RAI14: variants seen among roughly 807,000 people sequenced by gnomAD.
RAI14 encodes the protein ankycorbin.
In RAI14, 45 loss-of-function variants were observed where a neutral mutation model predicts 115.4. That is an observed-to-expected ratio of 0.39 (90% CI 0.31 to 0.50). The LOEUF (loss-of-function observed/expected upper bound fraction) is 0.50. Ranked by LOEUF, RAI14 falls within the 20% of genes least tolerant of loss-of-function variation. The probability of loss-of-function intolerance (pLI) is 0.85; values close to 1 mark genes in which losing one functional copy is unlikely to be tolerated. For missense variants in RAI14, 939 were observed against 1,131.2 expected (o/e 0.83, Z 2.44); for synonymous variants, 371 against 415.4 (o/e 0.89, Z 1.30).
At chr5:34,773,673 A>C (rs1224224526) in intron 3 of RAI14, among the ~76,000 whole-genome samples, 1 of 152,200 alleles carries the variant, frequency 6.6e-6, no homozygotes, top group Non-Finnish European at 1.5e-5. Context: ...ATCACTAAGC[A>C]TCAGGGAAAT....
intron 2 of RAI14, among the ~76,000 whole-genome samples, chr5:34,720,254 G>A (rs1742497633): frequency 6.6e-6 from 1 of 152,080 alleles, no homozygotes; most frequent in African/African-American, 2.4e-5. Context: ...TTTTAAAAAT[G>A]TATATGTATC....
chr5:34,776,826 C>CA (rs1053131952), intron 3 of RAI14, among the ~76,000 whole-genome samples: 2 of 121,588 alleles, frequency 1.6e-5, no homozygotes, highest in Non-Finnish European at 3.9e-5. Flanking sequence ...CACCAAAACT[C>CA]ATGTGCCCCA....
rs748811293 is a variant in RAI14 at position 34,826,416 on chromosome 5, A to T, written c.2736A>T (p.Lys912Asn). 1.9e-6 allele frequency: 3 copies of T among 1,613,976 alleles called. No individual in the cohort carries two copies. The highest frequency in any genetic ancestry group is 2.5e-6 in the Non-Finnish European group (3 of 1,179,984). ...SQLSYSTSSSKRQSQQLEALQ... is the reference protein window; with the variant it reads ...SQLSYSTSSSNRQSQQLEALQ... ...TCTCCTACTCAACAAGCTCATCCAA[A>T]AGGCAGAGTCAGCAGCTGGAGGCGC... is the stretch of plus-strand genomic sequence containing the variant. The change falls in exon 16 of 18, where the codon AAA becomes AAT. Residue 912 changes from lysine to asparagine, a missense_variant. By Grantham distance (94) the Lys-to-Asn change is moderately conservative. Coordinates refer to ENST00000265109, the MANE Select transcript of RAI14 (RefSeq NM_015577.3).
chr5:34,774,182 G>A (rs1441347721), intron 3 of RAI14, among the ~76,000 whole-genome samples: 1 of 148,988 alleles, frequency 6.7e-6, no homozygotes, highest in African/African-American at 2.5e-5. Context: ...GTGAAATCCT[G>A]TGTCTACTTA....
intron 3 of RAI14, among the ~76,000 whole-genome samples, chr5:34,759,347 G>C (rs1214796466): frequency 3.9e-5 from 6 of 152,170 alleles, no homozygotes; most frequent in Non-Finnish European, 8.8e-5. Flanking sequence ...CCAACTCCCA[G>C]GTCACAGACC....
At chr5:34,768,617 C>T (rs1338823321) in intron 3 of RAI14, among the ~76,000 whole-genome samples, 1 of 152,134 alleles carries the variant, frequency 6.6e-6, no homozygotes, top group Non-Finnish European at 1.5e-5. Flanking sequence ...ATGGAGATTT[C>T]ATAATGCCCA....
rs769935046 is a variant in RAI14, at chr5:34,824,088, A to T, written c.2246A>T (p.Glu749Val). The T allele has an allele frequency of 8.7e-6, 14 of 1,614,208 alleles. No homozygotes were observed. The highest frequency in any genetic ancestry group is 3.3e-5 in the South Asian group (3 of 91,080). ...CGGACTGCAGCAAAAGAGATGGAAG[A>T]AAAAATAAGCAATCTTAAGGAACAC... is the stretch of plus-strand genomic sequence containing the variant. ...TLRTAAKEME[E>V]KISNLKEHLA... Residue 749 changes from glutamate to valine, a missense_variant, in exon 15 of 18, where the codon GAA becomes GTA. Glu to Val is a moderately radical substitution (Grantham distance 121). Coordinates refer to ENST00000265109, the MANE Select transcript of RAI14 (RefSeq NM_015577.3).
chr5:34,681,860 T>TTTC, intron 1 of RAI14, among the ~76,000 whole-genome samples: 1 of 22,438 alleles, frequency 4.5e-5, no homozygotes. Flanking sequence ...TTCTTTCTTT[T>TTTC]TTTTTTTTTT....
intron 1 of RAI14, among the ~76,000 whole-genome samples, chr5:34,668,502 C>G (rs1054424308): frequency 2.4e-4 from 36 of 152,138 alleles, no homozygotes; most frequent in African/African-American, 7.9e-4. Flanking sequence ...CTTTCTGTCT[C>G]CAAGCACAGG....
intron 2 of RAI14, among the ~76,000 whole-genome samples, chr5:34,723,387 CA>C (rs1379057433): frequency 2.0e-5 from 3 of 152,136 alleles, no homozygotes; most frequent in Non-Finnish European, 4.4e-5. Context: ...TATTTCAAGT[CA>C]AAATGCAGTT....
intron 2 of RAI14, among the ~76,000 whole-genome samples, chr5:34,701,461 A>G (rs545849135): frequency 1.3e-5 from 2 of 152,196 alleles, no homozygotes; most frequent in Non-Finnish European, 2.9e-5. Context: ...CAGCCACTGT[A>G]AGACTTCAAA....
chr5:34,799,493 GACACACACACACAC>G (rs780186006), intron 4 of RAI14, among the ~76,000 whole-genome samples: 9,410 of 124,068 alleles, frequency 0.076, 887 homozygotes, highest in African/African-American at 0.23. Context: ...CACACACACA[GACACACACACACAC>G]ACACACACAC....
At chr5:34,682,213 T>TA (rs959067256) in intron 1 of RAI14, among the ~76,000 whole-genome samples, 78 of 148,828 alleles carry the variant, frequency 5.2e-4, no homozygotes, top group Middle Eastern at 6.8e-3. Context: ...ATTAAGCTTT[T>TA]AAAAAAAAAA....
rs1396697743 is a variant in RAI14, at chr5:34,818,692, A to T, written c.940-105A>T. ...TTCTAGCTGCTTTTCTAGTAGGATC[A>T]TACCAGATCTGCTCTGCGTAAGCTC... On this transcript the variant is annotated intron_variant, in intron 12 of 17. Transcript: ENST00000265109. 6 of 796,260 alleles carry T rather than the reference A, an allele frequency of 7.5e-6. No individual in the cohort carries two copies. The East Asian group carries it at 1.6e-4, about 21-fold the overall frequency. The allele number at this position is 796,260 out of a possible 1,614,324, so 49.3% of individuals were successfully genotyped here.
At chr5:34,667,342 G>A (rs1743293853) in intron 1 of RAI14, 2 of 152,252 alleles carry the variant, frequency 1.3e-5, no homozygotes, top group Admixed American at 1.3e-4. Flanking sequence ...GGCTCAAGCA[G>A]TCCTCCCACC....
intron 2 of RAI14, among the ~76,000 whole-genome samples, chr5:34,707,152 T>C (rs1428340644): frequency 3.3e-5 from 5 of 152,200 alleles, no homozygotes; most frequent in Non-Finnish European, 2.9e-5. Context: ...TTAGCCTCCC[T>C]GGGTTTCCAC....
chr5:34,759,600 C>T (rs61172427), intron 3 of RAI14, among the ~76,000 whole-genome samples: 7,070 of 152,160 alleles, frequency 0.046, 551 homozygotes, highest in African/African-American at 0.16. Context: ...TCCCATCACC[C>T]CCAGTTGGGA....
At chr5:34,805,549 G>C (rs1313649751) in intron 5 of RAI14, among the ~76,000 whole-genome samples, 1 of 152,202 alleles carries the variant, frequency 6.6e-6, no homozygotes, top group East Asian at 1.9e-4. Flanking sequence ...CTTCAAATAA[G>C]CTCTCTCAGG....
intron 3 of RAI14, among the ~76,000 whole-genome samples, chr5:34,763,000 G>A (rs938230416): frequency 7.3e-5 from 11 of 150,286 alleles, no homozygotes; most frequent in African/African-American, 2.7e-4. Context: ...ATTTTATGTT[G>A]CCCACTTTTC....
Sources: gnomAD v4.1 joint callset for allele counts (sites outside exome capture counted in the v4.1 genomes callset) on GRCh38, gnomAD v4.1.1 for gene constraint, MANE v1.5 for transcripts, NCBI Gene and HGNC (gene_info 2026-07-23, HGNC 2026-07-21) for gene names.